PTCD2: variants seen among roughly 807,000 people sequenced by gnomAD.
The protein encoded by PTCD2 is pentatricopeptide repeat domain 2.
In PTCD2, 31 loss-of-function variants were observed where a neutral mutation model predicts 42.6. The observed-to-expected ratio is 0.73, with a 90% CI of 0.55 to 0.98. The LOEUF (loss-of-function observed/expected upper bound fraction) is 0.98, where lower values mean the gene tolerates loss of function less well. Among genes scored for constraint, PTCD2 ranks in the 50% least tolerant of loss-of-function variants. The probability of loss-of-function intolerance (pLI) is 0.00; values close to 1 mark genes in which losing one functional copy is unlikely to be tolerated. For synonymous variants in PTCD2, 183 were observed against 170.9 expected (o/e 1.07, Z -0.55); for missense variants, 476 against 454.8 (o/e 1.05, Z -0.42).
chr5:72,351,369 G>A (rs940689909), intron 8 of PTCD2, among the ~76,000 whole-genome samples: 2 of 152,164 alleles, frequency 1.3e-5, no homozygotes, highest in African/African-American at 4.8e-5. Context: ...GTAAATAGGA[G>A]TGCCTCATTA....
intron 4 of PTCD2, among the ~76,000 whole-genome samples, chr5:72,334,474 A>G (rs1408051163): frequency 6.6e-6 from 1 of 152,194 alleles, no homozygotes; most frequent in East Asian, 1.9e-4. Flanking sequence ...CTTCATGGTA[A>G]TTATGAAACC....
At chr5:72,349,681 T>A (rs1752526136) in intron 8 of PTCD2, among the ~76,000 whole-genome samples, 1 of 152,210 alleles carries the variant, frequency 6.6e-6, no homozygotes. Context: ...ATTTCCCCTG[T>A]TCCTTACCAA....
chr5:72,335,536 G>T, intron 5 of PTCD2: 1 of 361,270 alleles, frequency 2.8e-6, no homozygotes. Context: ...TGAAAACATT[G>T]CATTGCATGT....
At chr5:72,327,163 T>C (rs1256915089) in intron 3 of PTCD2, among the ~76,000 whole-genome samples, 1 of 152,258 alleles carries the variant, frequency 6.6e-6, no homozygotes, top group Non-Finnish European at 1.5e-5. Flanking sequence ...CTCTTGGTTC[T>C]ACTTCCTTGG....
intron 2 of PTCD2, 58 bp downstream of exon 2, chr5:72,322,322 T>C: frequency 9.5e-7 from 1 of 1,054,704 alleles, no homozygotes; most frequent in Non-Finnish European, 1.5e-6. Context: ...TTTCTCTGTC[T>C]TTATCCCTAT....
rs1753134396 is a variant in PTCD2, at chr5:72,363,392, C to T, written c.*4965C>T. 1 of 152,200 alleles carries T rather than the reference C, an allele frequency of 6.6e-6. No individual in the cohort carries two copies. 9.4% of individuals were successfully genotyped at this position (152,200 alleles called of 1,614,324 possible). A position where few individuals can be genotyped will look rare whatever the true frequency, so the allele number is the denominator to read the frequency against. ...ATTACAAATGCATTCTCAGATGATG[C>T]CTTTGCTAGTCTGGGCAACACACTT... On this transcript the variant is annotated 3_prime_UTR_variant, in exon 10 of 10. Coordinates refer to ENST00000380639, the MANE Select transcript of PTCD2 (RefSeq NM_024754.5).
chr5:72,339,270 G>A (rs1300236731), intron 7 of PTCD2, among the ~76,000 whole-genome samples: 1 of 152,346 alleles, frequency 6.6e-6, no homozygotes, highest in South Asian at 2.1e-4. Context: ...GATGGACAGA[G>A]TTAGAGCTGA....
At chr5:72,346,332 T>C (rs1161155344) in intron 8 of PTCD2, among the ~76,000 whole-genome samples, 1 of 152,116 alleles carries the variant, frequency 6.6e-6, no homozygotes, top group Non-Finnish European at 1.5e-5. Flanking sequence ...ATGAATGCCA[T>C]AAGAAAGCAG....
At chr5:72,347,933 GCAAGGACTC>G (rs1202469115) in intron 8 of PTCD2, among the ~76,000 whole-genome samples, 46 of 152,156 alleles carry the variant, frequency 3.0e-4, no homozygotes, top group Admixed American at 3.0e-3. Flanking sequence ...CGTGTTTCAG[GCAAGGACTC>G]CATAAGTAAC....
chr5:72,321,919 A>G (rs1750875741), intron 1 of PTCD2, among the ~76,000 whole-genome samples: 1 of 152,206 alleles, frequency 6.6e-6, no homozygotes, highest in African/African-American at 2.4e-5. Context: ...CAGGTTTATC[A>G]CTAGCTACGG....
At chr5:72,349,830 G>A (rs970710376) in intron 8 of PTCD2, among the ~76,000 whole-genome samples, 7 of 152,078 alleles carry the variant, frequency 4.6e-5, no homozygotes, top group Admixed American at 6.5e-5. Context: ...GCCTTTTATC[G>A]GTGACTGCCT....
chr5:72,322,510 G>A (rs186760681), intron 2 of PTCD2, among the ~76,000 whole-genome samples: 130 of 152,286 alleles, frequency 8.5e-4, no homozygotes, highest in African/African-American at 2.9e-3. Context: ...CTAGTGCTGC[G>A]ATTGGTCTTG....
chr5:72,326,184 C>G (rs1250775018), intron 2 of PTCD2, among the ~76,000 whole-genome samples: 1 of 152,192 alleles, frequency 6.6e-6, no homozygotes, highest in African/African-American at 2.4e-5. Flanking sequence ...TTAGTTTTCC[C>G]ATTTGGTTCT....
chr5:72,354,731 T>G (rs1217804619), intron 9 of PTCD2, among the ~76,000 whole-genome samples: 3 of 152,160 alleles, frequency 2.0e-5, no homozygotes, highest in Admixed American at 2.0e-4. Context: ...CTTCTTGGAG[T>G]ATATTCTAAA....
At chr5:72,342,488 C>T (rs556158732) in intron 7 of PTCD2, among the ~76,000 whole-genome samples, 1 of 152,284 alleles carries the variant, frequency 6.6e-6, no homozygotes, top group East Asian at 1.9e-4. Flanking sequence ...TGTGCCCTTA[C>T]CTTTGAGAGC....
chr5:72,357,777 T>C (rs1342716063), intron 9 of PTCD2, among the ~76,000 whole-genome samples: 3 of 152,110 alleles, frequency 2.0e-5, no homozygotes, highest in African/African-American at 7.2e-5. Flanking sequence ...GCTTTTGGAA[T>C]CCCTCATAGT....
intron 8 of PTCD2, among the ~76,000 whole-genome samples, chr5:72,347,969 G>C (rs1370031302): frequency 6.6e-6 from 1 of 152,198 alleles, no homozygotes; most frequent in East Asian, 1.9e-4. Flanking sequence ...GTGATACTGA[G>C]TATGAATCAT....
intron 4 of PTCD2, among the ~76,000 whole-genome samples, chr5:72,332,528 CTA>C (rs75192845): frequency 0.23 from 35,057 of 151,984 alleles, 5,259 homozygotes; most frequent in Non-Finnish European, 0.34. Flanking sequence ...TATTATTTGA[CTA>C]TTTTTAATAA....
intron 2 of PTCD2, among the ~76,000 whole-genome samples, chr5:72,324,019 T>C (rs1464695258): frequency 3.3e-5 from 5 of 152,174 alleles, no homozygotes; most frequent in African/African-American, 7.2e-5. Flanking sequence ...CATACTGTTA[T>C]ATAATACCAT....
Sources: allele counts gnomAD v4.1 joint callset (sites outside exome capture counted in the v4.1 genomes callset), GRCh38; gene constraint gnomAD v4.1.1; transcripts MANE v1.5; gene names NCBI Gene and HGNC (gene_info 2026-07-23, HGNC 2026-07-21).